The following SH3RF3 variants were observed in gnomAD, a reference collection of about 807,000 sequenced individuals.
The protein encoded by SH3RF3 is SH3 domain containing ring finger 3, also known as E3 ubiquitin-protein ligase SH3RF3.
SH3RF3 carries 29 observed loss-of-function variants against 66.3 expected under a neutral mutation model. The observed-to-expected ratio is 0.44, with a 90% CI of 0.33 to 0.60. SH3RF3 has a LOEUF of 0.60. SH3RF3 is among the 20% of genes least tolerant of loss of function. SH3RF3 has a pLI of 0.04. For synonymous variants in SH3RF3, 583 were observed against 532.0 expected (o/e 1.10, Z -1.32); for missense variants, 1,194 against 1,190.9 (o/e 1.00, Z -0.04).
chr2:109,369,897 T>C (rs981174177), intron 2 of SH3RF3, among the ~76,000 whole-genome samples: 10 of 152,244 alleles, frequency 6.6e-5, no homozygotes, highest in African/African-American at 2.2e-4. Context: ...CCCGAATTGC[T>C]GCTTTGTGTT....
chr2:109,177,282 C>T (rs1028711672), intron 1 of SH3RF3, among the ~76,000 whole-genome samples: 1 of 152,118 alleles, frequency 6.6e-6, no homozygotes, highest in Non-Finnish European at 1.5e-5. Flanking sequence ...GGGGCTGGTG[C>T]AGAGAAGGAG....
intron 1 of SH3RF3, among the ~76,000 whole-genome samples, chr2:109,262,913 A>C (rs1046390108): frequency 1.3e-5 from 2 of 151,990 alleles, no homozygotes; most frequent in African/African-American, 4.8e-5. Flanking sequence ...GCTCACTGCA[A>C]CCTTTGCCTC....
chr2:109,433,012 G>A (rs957800561), intron 6 of SH3RF3, among the ~76,000 whole-genome samples: 34 of 152,390 alleles, frequency 2.2e-4, no homozygotes, highest in African/African-American at 7.5e-4. Flanking sequence ...AGTGTGTTCA[G>A]CGTGTATGCT....
At chr2:109,270,890 C>T (rs1680609623) in intron 1 of SH3RF3, among the ~76,000 whole-genome samples, 1 of 152,242 alleles carries the variant, frequency 6.6e-6, no homozygotes, top group African/African-American at 2.4e-5. Flanking sequence ...TGTACCGACA[C>T]TGCCTGCCTC....
At chr2:109,183,404 G>T (rs1414753336) in intron 1 of SH3RF3, among the ~76,000 whole-genome samples, 10 of 152,178 alleles carry the variant, frequency 6.6e-5, no homozygotes. Flanking sequence ...GGTGATTTTG[G>T]AAACAAAGCT....
intron 4 of SH3RF3, among the ~76,000 whole-genome samples, chr2:109,416,994 A>G (rs973349659): frequency 6.6e-6 from 1 of 151,032 alleles, no homozygotes; most frequent in Non-Finnish European, 1.5e-5. Context: ...GGTGTTCCCC[A>G]TGGGGGCCCA....
intron 1 of SH3RF3, among the ~76,000 whole-genome samples, chr2:109,169,714 C>CTA (rs985179529): frequency 2.6e-5 from 4 of 150,994 alleles, no homozygotes; most frequent in South Asian, 4.2e-4. Context: ...CTATATATAT[C>CTA]TATATATATA....
chr2:109,365,874 T>C (rs1010551349), intron 2 of SH3RF3, among the ~76,000 whole-genome samples: 2 of 152,228 alleles, frequency 1.3e-5, no homozygotes, highest in African/African-American at 2.4e-5. Context: ...CAACTTTCTT[T>C]ACAAAAGAAA....
At chr2:109,493,742 GAC>G (rs1207853814) in intron 9 of SH3RF3, among the ~76,000 whole-genome samples, 1 of 150,886 alleles carries the variant, frequency 6.6e-6, no homozygotes, top group Non-Finnish European at 1.5e-5. Flanking sequence ...ACATTATGCA[GAC>G]ACACACACTG....
intron 1 of SH3RF3, among the ~76,000 whole-genome samples, chr2:109,196,027 T>C (rs1417916167): frequency 6.6e-6 from 1 of 152,116 alleles, no homozygotes; most frequent in Non-Finnish European, 1.5e-5. Context: ...CGCACACCTG[T>C]TTTTCCAAAG....
At position 109,479,551 on chromosome 2, in the gene SH3RF3, G is replaced by A. The variant is rs566401122; in HGVS notation, c.2149-11054G>A. 7.2e-4 allele frequency among the ~76,000 whole-genome samples: 110 copies of A among 152,000 alleles called. 1 individual carries two copies. Among genetic ancestry groups the A allele is most frequent in the Non-Finnish European group, 1.4e-3 (93 of 68,014 alleles). On this transcript the variant is annotated intron_variant, in intron 8 of 9. Coordinates refer to ENST00000309415, the MANE Select transcript of SH3RF3 (RefSeq NM_001099289.3). ...GGTGTCGGGATGTCCAGCTTCCACC[G>A]GCCTCATGGGCAGAGGAAGCAGCAG...
chr2:109,463,502 A>C (rs1678260810), intron 8 of SH3RF3, among the ~76,000 whole-genome samples: 1 of 152,178 alleles, frequency 6.6e-6, no homozygotes. Flanking sequence ...CTCCCCTCAC[A>C]CATCTGTTTC....
intron 1 of SH3RF3, among the ~76,000 whole-genome samples, chr2:109,293,786 T>G (rs954723096): frequency 6.6e-6 from 1 of 152,320 alleles, no homozygotes; most frequent in Admixed American, 6.5e-5. Flanking sequence ...CAGCTGTAGG[T>G]GAACGCTGGG....
chr2:109,134,377 A>G (rs991258977), intron 1 of SH3RF3, among the ~76,000 whole-genome samples: 8 of 152,160 alleles, frequency 5.3e-5, no homozygotes, highest in African/African-American at 1.7e-4. Flanking sequence ...ACAGCTCACA[A>G]GAGACCAAAC....
chr2:109,322,960 T>C lies in SH3RF3; in HGVS notation c.574-24714T>C, dbSNP rs147314463. Among the ~76,000 whole-genome samples, 486 of 152,254 alleles carry C rather than the reference T, an allele frequency of 3.2e-3. 11 individuals are homozygous for C. Among genetic ancestry groups the C allele is most frequent in the Admixed American group, 1.8e-3 (27 of 15,300 alleles). On this transcript the variant is annotated intron_variant, in intron 1 of 9. Transcript: ENST00000309415. The stretch of plus-strand genomic sequence containing the variant: ...ATTTAGTGAGAGTGGGCAGGCAATA[T>C]AAAGAGGCCAAATCTGACTGTGGGC...
intron 1 of SH3RF3, among the ~76,000 whole-genome samples, chr2:109,130,994 G>A (rs902144033): frequency 7.9e-5 from 12 of 152,100 alleles, no homozygotes; most frequent in African/African-American, 2.9e-4. Context: ...TTTAAATGGA[G>A]AAAAGCACTT....
chr2:109,330,417 A>T (rs1289108602), intron 1 of SH3RF3, among the ~76,000 whole-genome samples: 1 of 151,692 alleles, frequency 6.6e-6, no homozygotes, highest in East Asian at 1.9e-4. Flanking sequence ...CCTGTTGATT[A>T]TTCCTTAGTC....
chr2:109,286,582 G>A (rs1237148710), intron 1 of SH3RF3, among the ~76,000 whole-genome samples: 3 of 152,198 alleles, frequency 2.0e-5, no homozygotes, highest in Admixed American at 6.5e-5. Context: ...TTCAGCTAAG[G>A]CCCCTTCTGG....
At chr2:109,339,165 G>A (rs971134947) in intron 1 of SH3RF3, among the ~76,000 whole-genome samples, 2 of 151,738 alleles carry the variant, frequency 1.3e-5, no homozygotes, top group African/African-American at 4.8e-5. Flanking sequence ...TAGAGGAGGT[G>A]GACGGGTAGG....
Sources: gnomAD v4.1 joint callset for allele counts (sites outside exome capture counted in the v4.1 genomes callset) on GRCh38, gnomAD v4.1.1 for gene constraint, MANE v1.5 for transcripts, NCBI Gene and HGNC (gene_info 2026-07-23, HGNC 2026-07-21) for gene names.